Variants in AIFM1 observed in about 807,000 individuals in gnomAD.
The protein encoded by AIFM1 is apoptosis-inducing factor 1, mitochondrial.
Under a neutral mutation model 51.7 loss-of-function variants are expected in AIFM1, and 3 were observed. The ratio of observed to expected loss-of-function variants is 0.06; its 90% CI spans 0.03 to 0.15. The LOEUF is 0.15. Among genes scored for constraint, AIFM1 ranks in the 10% least tolerant of loss-of-function variants. The pLI is 1.00. For missense variants in AIFM1, 330 were observed against 476.8 expected, an observed-to-expected ratio of 0.69 and a Z score of 2.87; for synonymous variants, 178 against 179.4, an observed-to-expected ratio of 0.99 and a Z score of 0.06.
intron 2 of AIFM1, 78 bp downstream of exon 2, chrX:130,156,383 T>G: frequency 8.5e-7 from 1 of 1,182,388 alleles, no homozygotes; most frequent in Non-Finnish European, 1.1e-6. Flanking sequence ...GTTGCAAAAG[T>G]TTTAAAGCAG....
intron 2 of AIFM1, among the ~76,000 whole-genome samples, chrX:130,150,168 A>G (rs1283800479): frequency 9.0e-6 from 1 of 110,995 alleles, no homozygotes; most frequent in Non-Finnish European, 1.9e-5. Flanking sequence ...CTACACACAG[A>G]TATTTACTAG....
chrX:130,142,088 G>A (rs1445179397), intron 6 of AIFM1, among the ~76,000 whole-genome samples: 2 of 112,172 alleles, frequency 1.8e-5, no homozygotes, highest in Non-Finnish European at 3.8e-5. Flanking sequence ...CACCTACTAT[G>A]TATCAAGTTG....
At chrX:130,165,474 G>A in intron 1 of AIFM1, 77 bp downstream of exon 1, 1 of 860,991 alleles carries the variant, frequency 1.2e-6, no homozygotes, top group Non-Finnish European at 1.7e-6. Flanking sequence ...GGACGCGGGG[G>A]TAGAGGGCTG....
At chrX:130,158,479 T>A (rs1212525726) in intron 1 of AIFM1, among the ~76,000 whole-genome samples, 3 of 110,209 alleles carry the variant, frequency 2.7e-5, no homozygotes, top group Middle Eastern at 4.2e-3. Flanking sequence ...CCAGAGGTTC[T>A]GATTCAATAG....
chrX:130,158,694 G>A (rs1049225497), intron 1 of AIFM1, among the ~76,000 whole-genome samples: 1 of 67,238 alleles, frequency 1.5e-5, no homozygotes, highest in Non-Finnish European at 2.5e-5. Flanking sequence ...ACTAACCATA[G>A]CTGATGAGCT....
intron 2 of AIFM1, among the ~76,000 whole-genome samples, chrX:130,155,669 T>A (rs781196670): frequency 2.4e-4 from 27 of 112,103 alleles, no homozygotes; most frequent in African/African-American, 7.8e-4. Flanking sequence ...CCTAAACTTG[T>A]AATGGCTTAA....
chrX:130,154,794 C>G (rs182636409), intron 2 of AIFM1, among the ~76,000 whole-genome samples: 1 of 112,437 alleles, frequency 8.9e-6, no homozygotes, highest in Non-Finnish European at 1.9e-5. Context: ...TTCACATTAC[C>G]TTTATTTGCT....
chrX:130,156,651 T>A, intron 1 of AIFM1, 48 bp from the exon 2 acceptor site: 3 of 1,152,648 alleles, frequency 2.6e-6, no homozygotes, highest in Non-Finnish European at 3.6e-6. Flanking sequence ...AATAAAATAG[T>A]TAATACATAT....
intron 12 of AIFM1, among the ~76,000 whole-genome samples, chrX:130,134,437 G>C (rs2030241867): frequency 1.8e-5 from 2 of 110,683 alleles, no homozygotes; most frequent in South Asian, 7.6e-4. Context: ...TGTTTTCTTA[G>C]ATTTCTTTTT....
intron 1 of AIFM1, among the ~76,000 whole-genome samples, chrX:130,163,299 C>T (rs756659317): frequency 2.6e-5 from 2 of 77,232 alleles, no homozygotes; most frequent in South Asian, 7.2e-4. Flanking sequence ...AGCGAGACTC[C>T]GCCTCAAAAA....
intron 1 of AIFM1, among the ~76,000 whole-genome samples, chrX:130,161,538 G>T: frequency 9.5e-6 from 1 of 105,055 alleles, no homozygotes; most frequent in Middle Eastern, 4.9e-3. Context: ...AAAAACACAG[G>T]ACAAGCCTAG....
chrX:130,149,713 C>A (rs2030891785), intron 2 of AIFM1, 145 bp from the exon 3 acceptor site: 1 of 487,011 alleles, frequency 2.1e-6, no homozygotes, highest in Non-Finnish European at 3.5e-6. Context: ...AAGTTGTTTT[C>A]TTAAGAAATA....
rs886641123 is a variant in AIFM1 at position 130,158,728 on chromosome X, A to C, written c.107-2125T>G. Among the ~76,000 whole-genome samples, 262 of 108,423 alleles carry C rather than the reference A, an allele frequency of 2.4e-3. 1 individual carries two copies. The highest frequency in any genetic ancestry group is 8.5e-3 in the African/African-American group (252 of 29,774). 94.2% of individuals were successfully genotyped at this position (108,423 alleles called of 115,157 possible). A position where few individuals can be genotyped will look rare whatever the true frequency, so the allele number is the denominator to read the frequency against. ...CTAAAAAAAAAAAAAAAAAAAAAAA[A>C]AAAATCGCAAAAAAATCTCATAATG... On this transcript the variant is annotated intron_variant, in intron 1 of 15. Transcript: ENST00000287295.
At chrX:130,165,499 C>A in intron 1 of AIFM1, 52 bp downstream of exon 1, 1 of 1,049,010 alleles carries the variant, frequency 9.5e-7, no homozygotes. Context: ...GCACAGGGAG[C>A]CTAAGGCGCC....
At chrX:130,144,882 G>A (rs2030700064) in intron 6 of AIFM1, among the ~76,000 whole-genome samples, 1 of 112,190 alleles carries the variant, frequency 8.9e-6, no homozygotes. Flanking sequence ...AAGTGAGTAT[G>A]TTCCTAACGA....
intron 10 of AIFM1, 119 bp from the exon 11 acceptor site, chrX:130,136,850 T>C (rs2030363373): frequency 9.9e-7 from 1 of 1,014,960 alleles, no homozygotes; most frequent in Non-Finnish European, 1.4e-6. Flanking sequence ...ACAGGCAGTT[T>C]TGGAGAGCTG....
At chrX:130,147,958 C>T in intron 3 of AIFM1, 82 bp from the exon 4 acceptor site, 17 of 1,136,048 alleles carry the variant, frequency 1.5e-5, no homozygotes, top group Non-Finnish European at 2.1e-5. Context: ...AATCACCTTG[C>T]ACTTGTCTCA....
intron 9 of AIFM1, chrX:130,138,145 A>C (rs1209475307): frequency 7.7e-6 from 1 of 129,207 alleles, no homozygotes; most frequent in Non-Finnish European, 1.5e-5. Context: ...ACCAGAACTA[A>C]TCTCAGTGTT....
chrX:130,131,746 C>G lies in AIFM1; in HGVS notation c.1502G>C (p.Ser501Thr). 1 of 1,211,672 alleles carries G rather than the reference C, an allele frequency of 8.3e-7. No homozygotes were observed. Among genetic ancestry groups the G allele is most frequent in the South Asian group, 1.8e-5 (1 of 57,018 alleles). The change falls in exon 14 of 16, where the codon AGT (serine) becomes ACT (threonine). Residue 501 changes from serine (S) to threonine (T), a missense_variant. Transcript: ENST00000287295. ...TGCAAAAACACCAACTGTGGGCAAA[C>G]TACTGTCCACAAGACCAATAGCTTC... The part of the protein sequence containing the change: ...GYEAIGLVDS[S>T]LPTVGVFAKA...
Sources: allele counts gnomAD v4.1 joint callset (sites outside exome capture counted in the v4.1 genomes callset), GRCh38; gene constraint gnomAD v4.1.1; transcripts MANE v1.5; gene names NCBI Gene and HGNC (gene_info 2026-07-23, HGNC 2026-07-21).